VPS4A: variants seen among roughly 807,000 people sequenced by gnomAD.
VPS4A encodes vacuolar protein sorting 4 homolog A.
In VPS4A, 20 loss-of-function variants were observed where a neutral mutation model predicts 52.3. The observed-to-expected ratio is 0.38, with a 90% CI of 0.27 to 0.56. The LOEUF is 0.56. VPS4A is among the 20% of genes least tolerant of loss of function. The pLI, the probability that VPS4A is intolerant of heterozygous loss-of-function variation, is 0.72. For missense variants in VPS4A, 419 were observed against 575.9 expected (o/e 0.73, Z 2.79); for synonymous variants, 293 against 227.7 (o/e 1.29, Z -2.58).
chr16:69,321,391 C>A lies in VPS4A; in HGVS notation c.1071+121C>A, dbSNP rs1227914025. The A allele has an allele frequency of 8.0e-6, 9 of 1,120,232 alleles. No homozygotes were observed. The highest frequency in any genetic ancestry group is 1.1e-5 in the Non-Finnish European group (9 of 793,224). 69.4% of individuals were successfully genotyped at this position (1,120,232 alleles called of 1,614,324 possible). ...TCAGGTGACACAGTCTCTGAGGCCT[C>A]CTGGAGAGCCGAGGGCCAGTGCCAT... On this transcript the variant is annotated intron_variant, in intron 9 of 10. Transcript: ENST00000254950. The surrounding 1 kb of genome is among the most constrained non-coding windows in gnomAD (Gnocchi z 4.5).
chr16:69,322,414 C>A, intron 9 of VPS4A, 146 bp from the exon 10 acceptor site: 2 of 845,852 alleles, frequency 2.4e-6, no homozygotes, highest in Non-Finnish European at 3.5e-6. Context: ...GCTCGGACCA[C>A]CCAGCCCGAG....
rs761752474 is a variant in VPS4A at position 69,316,292 on chromosome 16, C to G, written c.201C>G (p.Ala67=). ...RAKCVQYLDR[A]EKLKDYLRSK... ...AGTGCGTGCAGTACCTAGACCGGGC[C>G]GAGAAGCTGAAGGATTATTTACGAA... is the stretch of plus-strand genomic sequence containing the variant. The change falls in exon 3 of 11, where the codon GCC becomes GCG. Residue 67 remains alanine (A), a synonymous_variant. Coordinates refer to ENST00000254950, the MANE Select transcript of VPS4A (RefSeq NM_013245.3). The G allele has an allele frequency of 4.3e-6, 7 of 1,613,648 alleles. No individual in the cohort carries two copies. The highest frequency in any genetic ancestry group is 2.2e-5 in the East Asian group (1 of 44,894).
intron 3 of VPS4A, among the ~76,000 whole-genome samples, 181 bp from the exon 4 acceptor site, chr16:69,318,469 G>C (rs1965465772): frequency 1.3e-5 from 2 of 152,264 alleles, no homozygotes; most frequent in South Asian, 4.1e-4. Flanking sequence ...GTCCTGAAGT[G>C]AGCTGCTGAG....
rs1183409179 is a variant in VPS4A, at chr16:69,322,609, T to A, written c.1121T>A (p.Leu374Gln). 6.2e-7 allele frequency: 1 copy of A among 1,613,874 alleles called. No homozygotes were observed. Among genetic ancestry groups the A allele is most frequent in the Non-Finnish European group, 8.5e-7 (1 of 1,179,832 alleles). Residue 374 changes from leucine to glutamine, a missense_variant, in exon 10 of 11, where the codon CTG (leucine) becomes CAG (glutamine). Leu to Gln is a moderately radical substitution (Grantham distance 113). Coordinates refer to ENST00000254950, the MANE Select transcript of VPS4A (RefSeq NM_013245.3). ...TNPSMMIDDL[L>Q]TPCSPGDPGA... ...CCCAGCATGATGATTGATGACCTCCTGACTCCATGCTCACCAGGGGACCCA... is the reference window on the plus strand; with the variant it reads ...CCCAGCATGATGATTGATGACCTCCAGACTCCATGCTCACCAGGGGACCCA...
intron 1 of VPS4A, among the ~76,000 whole-genome samples, chr16:69,312,374 A>G (rs1965387915): frequency 6.6e-6 from 1 of 152,170 alleles, no homozygotes; most frequent in Admixed American, 6.5e-5. Flanking sequence ...GACTTCATGG[A>G]AGAAGGGACA....
rs73562902 is a variant in VPS4A at position 69,319,161 on chromosome 16, G to A, written c.463+219G>A. ...CAGGATCAGGAAGCAGTGCCAGCCG[G>A]TGTCACTGTGCAAGGTCATGGGGTC... On this transcript the variant is annotated intron_variant, in intron 5 of 10. Coordinates refer to ENST00000254950, the MANE Select transcript of VPS4A (RefSeq NM_013245.3). Among the ~76,000 whole-genome samples the A allele has an allele frequency of 3.9e-3, 597 of 152,304 alleles. 2 individuals carry two copies. The highest frequency in any genetic ancestry group is 0.014 in the African/African-American group (562 of 41,568).
Position 69,320,327 on chromosome 16 carries a change from C to T in VPS4A, c.769+38C>T, listed in dbSNP as rs376204656. On this transcript the variant is annotated intron_variant, in intron 7 of 10. Coordinates refer to ENST00000254950, the MANE Select transcript of VPS4A (RefSeq NM_013245.3). The surrounding 1 kb of genome is among the most constrained non-coding windows in gnomAD (Gnocchi z 4.2). ...CCCAGGGCCCCCTTGGTTCTTGTTG[C>T]ACCTGAAGCCAACCCTGGGCTTTAT... is the stretch of plus-strand genomic sequence containing the variant. 1.8e-5 allele frequency: 29 copies of T among 1,601,258 alleles called. No individual in the cohort carries two copies. The African/African-American group carries it at 2.9e-4, about 16-fold the overall frequency.
chr16:69,321,336 T>TC lies in VPS4A; in HGVS notation c.1071+69dup. 3 of 1,497,744 alleles carry TC rather than the reference T, an allele frequency of 2.0e-6. No homozygotes were observed. Among genetic ancestry groups the TC allele is most frequent in the Admixed American group, 4.0e-5 (2 of 50,094 alleles). The allele number at this position is 1,497,744 out of a possible 1,614,324, so 92.8% of individuals were successfully genotyped here. On this transcript the variant is annotated intron_variant, in intron 9 of 10. Transcript: ENST00000254950. This position sits in a 1 kb window ranked among gnomAD's most constrained non-coding sequence, Gnocchi z 4.5. Reference sequence around the variant, plus strand: ...AGAGCGGGATGTTCGGTTTTTTTTTTCCCAGCTCCTGGTCCTGCTCCCCGG... The same window carrying TC: ...AGAGCGGGATGTTCGGTTTTTTTTTTCCCCAGCTCCTGGTCCTGCTCCCCGG...
At chr16:69,319,911 G>A (rs1173221333) in intron 6 of VPS4A, among the ~76,000 whole-genome samples, 2 of 152,214 alleles carry the variant, frequency 1.3e-5, no homozygotes, top group African/African-American at 2.4e-5. Flanking sequence ...TGCAGAGCTA[G>A]CGCATGGGGC....
chr16:69,322,418 GC>G (rs1965524493), intron 9 of VPS4A, 141 bp from the exon 10 acceptor site: 2 of 881,856 alleles, frequency 2.3e-6, no homozygotes. Context: ...GGACCACCCA[GC>G]CCGAGTTCTG....
chr16:69,324,882 C>T lies in VPS4A; in HGVS notation c.*573C>T, dbSNP rs1036101554. ...GGTTCACATCCAGGGCTGTGTCTTC[C>T]TTGGGGGAGGAGATGGTGTCGTTTA... On this transcript the variant is annotated 3_prime_UTR_variant, in exon 11 of 11. Transcript: ENST00000254950. 2 of 159,678 alleles carry T rather than the reference C, an allele frequency of 1.3e-5. No individual in the cohort carries two copies. The highest frequency in any genetic ancestry group is 2.8e-5 in the Non-Finnish European group (2 of 71,866). 9.9% of individuals were successfully genotyped at this position (159,678 alleles called of 1,614,324 possible).
In VPS4A at chr16:69,311,389, C is replaced by A. The variant is rs1260406383; in HGVS notation, c.-123C>A. On this transcript the variant is annotated 5_prime_UTR_variant, in exon 1 of 11. Coordinates refer to ENST00000254950, the MANE Select transcript of VPS4A (RefSeq NM_013245.3). ...CTCCCGCTGCGAGCGGCCGCCCTGC[C>A]CGCGCACCGCGCTCAGCGCCCACCG... 9.0e-7 allele frequency: 1 copy of A among 1,108,052 alleles called. No individual in the cohort carries two copies. The highest frequency in any genetic ancestry group is 3.6e-5 in the East Asian group (1 of 27,970). 68.6% of individuals were successfully genotyped at this position (1,108,052 alleles called of 1,614,324 possible).
At chr16:69,311,663 C>A in intron 1 of VPS4A, 131 bp downstream of exon 1, 1 of 954,744 alleles carries the variant, frequency 1.0e-6, no homozygotes, top group Non-Finnish European at 1.4e-6. Flanking sequence ...CTCCGGCCGC[C>A]CCCTCGCCGC....
In VPS4A at chr16:69,321,532, C is replaced by CGTCA. The variant is rs1965511970; in HGVS notation, c.1071+264_1071+267dup. The stretch of plus-strand genomic sequence containing the variant: ...GTCTTAACCCTGCTGCGGCCTCCTC[C>CGTCA]GTCAGCACTGTGTGCTCTTGTGCGG... On this transcript the variant is annotated intron_variant, in intron 9 of 10. Coordinates refer to ENST00000254950, the MANE Select transcript of VPS4A (RefSeq NM_013245.3). The surrounding 1 kb of genome is among the most constrained non-coding windows in gnomAD (Gnocchi z 4.5). The CGTCA allele has an allele frequency of 1.9e-6, 1 of 513,902 alleles. No individual in the cohort carries two copies. The highest frequency in any genetic ancestry group is 3.5e-6 in the Non-Finnish European group (1 of 283,222). 31.8% of individuals were successfully genotyped at this position (513,902 alleles called of 1,614,324 possible).
At chr16:69,319,279 G>A (rs915869882) in intron 5 of VPS4A, 108 bp from the exon 6 acceptor site, 1 of 1,487,978 alleles carries the variant, frequency 6.7e-7, no homozygotes, top group South Asian at 1.3e-5. Context: ...AGAGTCCGTT[G>A]TTTCACAGAA....
At chr16:69,324,142 G>C in intron 10 of VPS4A, 66 bp from the exon 11 acceptor site, 1 of 1,514,046 alleles carries the variant, frequency 6.6e-7, no homozygotes, top group Non-Finnish European at 9.1e-7. Context: ...CGCCTGTTGT[G>C]TGCTGAGGGG....
At chr16:69,315,907 G>T in intron 1 of VPS4A, 101 bp from the exon 2 acceptor site, 5 of 957,718 alleles carry the variant, frequency 5.2e-6, no homozygotes, top group Non-Finnish European at 8.0e-6. Flanking sequence ...AAATCCACAG[G>T]CCCAGCGGCA....
chr16:69,323,702 C>T (rs753298103), intron 10 of VPS4A: 7 of 454,704 alleles, frequency 1.5e-5, no homozygotes, highest in African/African-American at 6.0e-5. Context: ...GTAATCCCAG[C>T]ACTTCGGGAG....
intron 1 of VPS4A, 40 bp downstream of exon 1, chr16:69,311,572 C>A: frequency 7.8e-7 from 1 of 1,275,700 alleles, no homozygotes; most frequent in East Asian, 3.3e-5. Context: ...AGGCCGAAGG[C>A]AGCGGGGCCT....
Sources: allele counts gnomAD v4.1 joint callset (sites outside exome capture counted in the v4.1 genomes callset), GRCh38; gene constraint gnomAD v4.1.1; non-coding constraint Gnocchi (gnomAD v3.1); transcripts MANE v1.5; gene names NCBI Gene and HGNC (gene_info 2026-07-23, HGNC 2026-07-21).